Variants in CHRM3 observed in about 807,000 individuals in gnomAD.
CHRM3 encodes cholinergic receptor muscarinic 3, also known as muscarinic acetylcholine receptor M3.
CHRM3 carries 11 observed loss-of-function variants against 41.8 expected under a neutral mutation model. The observed-to-expected ratio is 0.26, with a 90% CI of 0.17 to 0.44. The LOEUF (loss-of-function observed/expected upper bound fraction) is 0.44. Ranked by LOEUF, CHRM3 falls within the 20% of genes least tolerant of loss-of-function variation. The pLI is 1.00. For missense variants in CHRM3, 571 were observed against 745.4 expected (o/e 0.77, Z 2.72); for synonymous variants, 297 against 301.4 (o/e 0.99, Z 0.15).
At chr1:239,445,015 G>A (rs1433028234) in intron 1 of CHRM3, among the ~76,000 whole-genome samples, 3 of 152,162 alleles carry the variant, frequency 2.0e-5, no homozygotes, top group African/African-American at 7.2e-5. Context: ...GTGTGCAGTG[G>A]GCCACTGGAT....
intron 4 of CHRM3, among the ~76,000 whole-genome samples, chr1:239,648,920 T>C (rs996506059): frequency 7.2e-5 from 11 of 152,178 alleles, no homozygotes; most frequent in Non-Finnish European, 1.0e-4. Context: ...ATTAGTAGCA[T>C]TGACATATAT....
At chr1:239,632,716 A>G (rs910869350) in intron 4 of CHRM3, among the ~76,000 whole-genome samples, 5 of 152,230 alleles carry the variant, frequency 3.3e-5, no homozygotes, top group African/African-American at 7.2e-5. Flanking sequence ...GAACATAAAC[A>G]GAAACATTGT....
chr1:239,418,276 T>C (rs1661664407), intron 1 of CHRM3, among the ~76,000 whole-genome samples: 2 of 152,212 alleles, frequency 1.3e-5, no homozygotes, highest in Non-Finnish European at 2.9e-5. Flanking sequence ...TTTTAAGAGC[T>C]GCTTAAAATC....
chr1:239,727,518 A>AT (rs1452622559), intron 5 of CHRM3: 2 of 151,864 alleles, frequency 1.3e-5, no homozygotes, highest in Non-Finnish European at 2.9e-5. Context: ...ATTTGGCTGT[A>AT]TGTGCTTTTA....
chr1:239,783,671 A>G (rs1279595719), intron 5 of CHRM3, among the ~76,000 whole-genome samples: 1 of 152,186 alleles, frequency 6.6e-6, no homozygotes, highest in Non-Finnish European at 1.5e-5. Flanking sequence ...TGTGAATGAC[A>G]TTTAAGAATT....
chr1:239,674,339 C>A (rs1369902130), intron 4 of CHRM3, among the ~76,000 whole-genome samples: 3 of 152,020 alleles, frequency 2.0e-5, no homozygotes, highest in Non-Finnish European at 4.4e-5. Context: ...TTGCAAATGT[C>A]ATCTTCATTT....
chr1:239,466,462 A>G (rs549893560), intron 1 of CHRM3, among the ~76,000 whole-genome samples: 1 of 152,310 alleles, frequency 6.6e-6, no homozygotes, highest in African/African-American at 2.4e-5. Context: ...TCTGGTTAAC[A>G]ATAAACAATA....
intron 1 of CHRM3, among the ~76,000 whole-genome samples, chr1:239,403,035 CT>C (rs1490358375): frequency 1.3e-5 from 2 of 152,110 alleles, no homozygotes; most frequent in Non-Finnish European, 2.9e-5. Flanking sequence ...GACTGTACAT[CT>C]TTTTCAATCC....
chr1:239,817,158 C>T (rs1671660574), intron 5 of CHRM3, among the ~76,000 whole-genome samples: 1 of 152,132 alleles, frequency 6.6e-6, no homozygotes, highest in Admixed American at 6.5e-5. Flanking sequence ...TGTCTTCTCT[C>T]CACGGAGACA....
rs554020861 is a variant in CHRM3, at chr1:239,695,191, T to C, written c.-147+16903T>C. 2.6e-5 allele frequency among the ~76,000 whole-genome samples: 4 copies of C among 152,218 alleles called. No individual in the cohort carries two copies. In the East Asian group the frequency reaches 7.7e-4, roughly 29 times the overall value. ...ACACCCAGCTAAGTTTTTGTATTTTTAGTAGAGACGGGGTTTCACCATGTT... is the reference window on the plus strand; with the variant it reads ...ACACCCAGCTAAGTTTTTGTATTTTCAGTAGAGACGGGGTTTCACCATGTT... On this transcript the variant is annotated intron_variant, in intron 5 of 6. Coordinates refer to ENST00000676153, the MANE Select transcript of CHRM3 (RefSeq NM_001375978.1).
chr1:239,468,763 C>CT (rs1467129367), intron 1 of CHRM3, among the ~76,000 whole-genome samples: 1 of 152,126 alleles, frequency 6.6e-6, no homozygotes, highest in African/African-American at 2.4e-5. Context: ...TTTTTATGTA[C>CT]TAAAACCATT....
intron 4 of CHRM3, among the ~76,000 whole-genome samples, chr1:239,676,106 T>C (rs1657977109): frequency 6.6e-6 from 1 of 152,196 alleles, no homozygotes; most frequent in Non-Finnish European, 1.5e-5. Flanking sequence ...TTTTTCTACC[T>C]GAATAGACAA....
At chr1:239,717,466 C>G (rs530589052) in intron 5 of CHRM3, among the ~76,000 whole-genome samples, 5 of 116,430 alleles carry the variant, frequency 4.3e-5, no homozygotes, top group African/African-American at 1.5e-4. Flanking sequence ...AAGACACACA[C>G]GCACACACAC....
intron 6 of CHRM3, among the ~76,000 whole-genome samples, chr1:239,887,618 A>T (rs1158728284): frequency 6.6e-6 from 1 of 152,216 alleles, no homozygotes; most frequent in Non-Finnish European, 1.5e-5. Flanking sequence ...TCATAGCATC[A>T]GAACTTCCAG....
chr1:239,606,932 G>A (rs368717429), intron 3 of CHRM3, among the ~76,000 whole-genome samples: 2 of 152,106 alleles, frequency 1.3e-5, no homozygotes, highest in East Asian at 1.9e-4. Flanking sequence ...CTGAAAGGGG[G>A]CCTATGTCCC....
chr1:239,868,088 C>G (rs753727777), intron 6 of CHRM3, among the ~76,000 whole-genome samples: 70 of 152,294 alleles, frequency 4.6e-4, no homozygotes, highest in Middle Eastern at 6.8e-3. Context: ...ATTGCTCCCT[C>G]CTTGAATCGC....
chr1:239,846,200 G>C (rs1383509080), intron 6 of CHRM3, among the ~76,000 whole-genome samples: 1 of 151,980 alleles, frequency 6.6e-6, no homozygotes, highest in African/African-American at 2.4e-5. Flanking sequence ...TTCCGACATA[G>C]ATGGTAGCAT....
At chr1:239,808,724 A>C (rs972036256) in intron 5 of CHRM3, among the ~76,000 whole-genome samples, 1 of 152,160 alleles carries the variant, frequency 6.6e-6, no homozygotes, top group African/African-American at 2.4e-5. Context: ...ACTTTCTGTG[A>C]TAGCCCTCCA....
At chr1:239,536,053 T>TGCTA (rs1658166973) in intron 2 of CHRM3, among the ~76,000 whole-genome samples, 1 of 152,208 alleles carries the variant, frequency 6.6e-6, no homozygotes, top group Non-Finnish European at 1.5e-5. Context: ...TTCATTGTAT[T>TGCTA]GCTAGCTCCT....
Sources: gnomAD v4.1 joint callset for allele counts (sites outside exome capture counted in the v4.1 genomes callset) on GRCh38, gnomAD v4.1.1 for gene constraint, MANE v1.5 for transcripts, NCBI Gene and HGNC (gene_info 2026-07-23, HGNC 2026-07-21) for gene names.